The following CHM variants were observed in gnomAD, a reference collection of about 807,000 sequenced individuals.
CHM encodes the protein rab proteins geranylgeranyltransferase component A 1.
Under a neutral mutation model 49.0 loss-of-function variants are expected in CHM, and 10 were observed. The observed-to-expected ratio is 0.20, with a 90% CI of 0.13 to 0.35. The LOEUF (loss-of-function observed/expected upper bound fraction) is 0.35, where lower values mean the gene tolerates loss of function less well. CHM is among the 10% of genes least tolerant of loss of function. CHM has a pLI of 1.00. For synonymous variants in CHM, 184 were observed against 167.5 expected (o/e 1.10, Z -0.76); for missense variants, 455 against 478.4 (o/e 0.95, Z 0.46).
intron 12 of CHM, among the ~76,000 whole-genome samples, chrX:85,884,921 C>T (rs1287832448): frequency 3.6e-5 from 4 of 110,912 alleles, no homozygotes; most frequent in African/African-American, 1.3e-4. Flanking sequence ...TATTACATGA[C>T]ATCTAAAACA....
chrX:85,962,971 T>G (rs929027116), intron 5 of CHM, among the ~76,000 whole-genome samples: 4 of 111,670 alleles, frequency 3.6e-5, no homozygotes, highest in Non-Finnish European at 5.6e-5. Flanking sequence ...CTCTGAAGCT[T>G]TCAAACCTGA....
chrX:85,898,695 T>A (rs1240894290), intron 11 of CHM, among the ~76,000 whole-genome samples: 1 of 112,093 alleles, frequency 8.9e-6, no homozygotes, highest in African/African-American at 3.2e-5. Context: ...AATAAACCAG[T>A]AATTGTAGGA....
chrX:86,044,381 T>C (rs1453218152), intron 1 of CHM, among the ~76,000 whole-genome samples: 1 of 112,364 alleles, frequency 8.9e-6, no homozygotes, highest in African/African-American at 3.2e-5. Flanking sequence ...ATAACATTCC[T>C]TGTATCTTCT....
intron 8 of CHM, among the ~76,000 whole-genome samples, chrX:85,916,080 G>A (rs751691086): frequency 1.3e-4 from 15 of 111,729 alleles, no homozygotes; most frequent in African/African-American, 4.2e-4. Flanking sequence ...AAAGCAGTAT[G>A]GTACTGGTAC....
chrX:85,883,837 AATC>A lies in CHM; in HGVS notation c.1511-4777_1511-4775del, dbSNP rs749286775. Among the ~76,000 whole-genome samples, 362 of 110,873 alleles carry A rather than the reference AATC, an allele frequency of 3.3e-3. 2 individuals are homozygous for A. Among genetic ancestry groups the A allele is most frequent in the African/African-American group, 0.011 (344 of 30,619 alleles). The stretch of plus-strand genomic sequence containing the variant: ...TCACATTATATATTCACAAATATAT[AATC>A]ATATCACAGATAACTAACATCCTGT... On this transcript the variant is annotated intron_variant, in intron 12 of 14. Coordinates refer to ENST00000357749, the MANE Select transcript of CHM (RefSeq NM_000390.4).
intron 8 of CHM, among the ~76,000 whole-genome samples, chrX:85,914,516 T>C (rs1323840925): frequency 9.1e-6 from 1 of 110,462 alleles, no homozygotes; most frequent in Non-Finnish European, 1.9e-5. Flanking sequence ...AGCATCCACT[T>C]GCAGCCTCCC....
At chrX:85,933,615 A>G (rs1464613105) in intron 8 of CHM, among the ~76,000 whole-genome samples, 1 of 112,096 alleles carries the variant, frequency 8.9e-6, no homozygotes, top group Non-Finnish European at 1.9e-5. Flanking sequence ...TAAAAGGGTT[A>G]TTTTAGAGTT....
intron 12 of CHM, among the ~76,000 whole-genome samples, chrX:85,888,660 AG>A (rs2148136668): frequency 9.0e-6 from 1 of 111,680 alleles, no homozygotes; most frequent in South Asian, 3.8e-4. Flanking sequence ...TCTCCAAGTA[AG>A]AGCCATAGAA....
chrX:85,913,014 G>GAA (rs755460793), intron 8 of CHM, among the ~76,000 whole-genome samples: 74 of 38,221 alleles, frequency 1.9e-3, no homozygotes, highest in African/African-American at 4.6e-3. Context: ...CTCCATCTCA[G>GAA]AAAAAAAAAA....
intron 8 of CHM, among the ~76,000 whole-genome samples, chrX:85,948,484 C>CA (rs1050641021): frequency 2.8e-5 from 3 of 109,028 alleles, no homozygotes; most frequent in South Asian, 3.8e-4. Context: ...TTTTCTTTAC[C>CA]AAAAAAAAAT....
intron 1 of CHM, among the ~76,000 whole-genome samples, chrX:86,037,210 G>A (rs1218157756): frequency 3.9e-5 from 4 of 102,005 alleles, no homozygotes; most frequent in Non-Finnish European, 5.9e-5. Flanking sequence ...TCCGCCTCCC[G>A]GGTTCAAGCG....
chrX:85,900,932 C>A, intron 10 of CHM, 152 bp downstream of exon 10: 1 of 508,395 alleles, frequency 2.0e-6, no homozygotes. Flanking sequence ...TGAAATTATG[C>A]TAGGCTTCCC....
chrX:85,917,849 A>C (rs1927550546), intron 8 of CHM, among the ~76,000 whole-genome samples: 1 of 111,462 alleles, frequency 9.0e-6, no homozygotes, highest in African/African-American at 3.3e-5. Context: ...CTTCGAATCA[A>C]CACAGACAAA....
At chrX:86,040,162 G>A (rs902661474) in intron 1 of CHM, among the ~76,000 whole-genome samples, 2 of 112,174 alleles carry the variant, frequency 1.8e-5, no homozygotes, top group East Asian at 2.8e-4. Context: ...AGCCGTCTGC[G>A]GACAGCAGAG....
In CHM at chrX:85,878,993, C is replaced by A; in HGVS notation, c.1581G>T (p.Leu527Phe). 5 of 1,201,251 alleles carry A rather than the reference C, an allele frequency of 4.2e-6. No individual in the cohort carries two copies. The highest frequency in any genetic ancestry group is 5.6e-6 in the Non-Finnish European group (5 of 887,588). The change falls in exon 13 of 15, where the codon TTG becomes TTT. Residue 527 changes from leucine (L) to phenylalanine (F), a missense_variant. Leu to Phe is a conservative substitution (Grantham distance 22). Transcript: ENST00000357749. ...TCTCCATTTCAGTATATGGAACAAA[C>A]AATTTCTGCACAACTGATTCTAAAT... is the stretch of plus-strand genomic sequence containing the variant. ...REDLESVVQKLFVPYTEMEIE... is the reference protein window; with the variant it reads ...REDLESVVQKFFVPYTEMEIE...
At chrX:85,872,915 A>C (rs1192752000) in intron 14 of CHM, 137 bp downstream of exon 14, 1 of 516,214 alleles carries the variant, frequency 1.9e-6, no homozygotes, top group East Asian at 3.7e-5. Flanking sequence ...TAGGTCATAG[A>C]AAAAACTTTT....
Position 85,956,238 on chromosome X carries a change from A to C in CHM, c.1081T>G (p.Phe361Val). ...TIDGLKATKN[F>V]LHCLGRYGNT... The stretch of plus-strand genomic sequence containing the variant: ...CCATACCGCCCAAGACAGTGAAGAA[A>C]GTTTTTGGTAGCTTTGAGACCATCT... The change falls in exon 8 of 15, where the codon TTT becomes GTT. Residue 361 changes from phenylalanine to valine, a missense_variant. Coordinates refer to ENST00000357749, the MANE Select transcript of CHM (RefSeq NM_000390.4). 8.3e-7 allele frequency: 1 copy of C among 1,211,458 alleles called. No homozygotes were observed. Among genetic ancestry groups the C allele is most frequent in the South Asian group, 1.8e-5 (1 of 56,980 alleles).
intron 2 of CHM, among the ~76,000 whole-genome samples, chrX:85,983,574 GA>G (rs1569238118): frequency 9.0e-6 from 1 of 111,428 alleles, no homozygotes; most frequent in African/African-American, 3.3e-5. Flanking sequence ...TGAAGGAGGG[GA>G]AAAAAACCTG....
At chrX:85,930,288 G>A (rs1361864647) in intron 8 of CHM, among the ~76,000 whole-genome samples, 1 of 110,621 alleles carries the variant, frequency 9.0e-6, no homozygotes, top group East Asian at 2.9e-4. Context: ...CTACTCTCAC[G>A]AGGTCCCTCT....
Sources: allele counts gnomAD v4.1 joint callset (sites outside exome capture counted in the v4.1 genomes callset), GRCh38; gene constraint gnomAD v4.1.1; transcripts MANE v1.5; gene names NCBI Gene and HGNC (gene_info 2026-07-23, HGNC 2026-07-21).